The following PKHD1 variants were observed in gnomAD, a reference collection of about 807,000 sequenced individuals.
PKHD1 encodes PKHD1 ciliary IPT domain containing fibrocystin/polyductin.
PKHD1 carries 291 observed loss-of-function variants against 412.0 expected under a neutral mutation model. The ratio of observed to expected loss-of-function variants is 0.71; its 90% CI spans 0.64 to 0.78. The LOEUF (loss-of-function observed/expected upper bound fraction) is 0.78, where lower values mean the gene tolerates loss of function less well. Among genes scored for constraint, PKHD1 ranks in the 30% least tolerant of loss-of-function variants. PKHD1 has a pLI of 0.00. For missense variants in PKHD1, 4,825 were observed against 4,950.7 expected (o/e 0.97, Z 0.76); for synonymous variants, 1,777 against 1,821.5 (o/e 0.98, Z 0.62).
intron 63 of PKHD1, among the ~76,000 whole-genome samples, chr6:51,642,887 G>A (rs1420961926): frequency 6.6e-6 from 1 of 152,056 alleles, no homozygotes; most frequent in African/African-American, 2.4e-5. Flanking sequence ...AGTATAAGTA[G>A]GGTCTTAGGT....
chr6:51,666,817 A>G (rs1377633128), intron 60 of PKHD1, among the ~76,000 whole-genome samples: 1 of 151,556 alleles, frequency 6.6e-6, no homozygotes, highest in Non-Finnish European at 1.5e-5. Context: ...TTCTTGCGAT[A>G]GTTTACTGAG....
intron 49 of PKHD1, among the ~76,000 whole-genome samples, chr6:51,854,739 G>A (rs1012805489): frequency 2.0e-5 from 3 of 152,246 alleles, no homozygotes; most frequent in Non-Finnish European, 4.4e-5. Context: ...ATGTTGGGCT[G>A]TGGGGACAAG....
At chr6:51,620,562 A>G (rs1766477511) in intron 66 of PKHD1, among the ~76,000 whole-genome samples, 1 of 152,020 alleles carries the variant, frequency 6.6e-6, no homozygotes, top group Non-Finnish European at 1.5e-5. Flanking sequence ...ACCACCAAAT[A>G]CATTAACCAC....
At chr6:51,769,325 T>A (rs926250777) in intron 55 of PKHD1, among the ~76,000 whole-genome samples, 2 of 151,512 alleles carry the variant, frequency 1.3e-5, no homozygotes, top group African/African-American at 4.8e-5. Flanking sequence ...TTTATATCTT[T>A]CACTATTCCT....
In PKHD1 at chr6:52,050,298, A is replaced by G. The variant is rs765009465; in HGVS notation, c.2141-3T>C. ...CGTTCCAGAATCAGCTTGAGAAACT[A>G]GAGACCAGTGATCCAATTACTATCA... On this transcript the variant is annotated splice_polypyrimidine_tract_variant and splice_region_variant and intron_variant, in intron 21 of 66. Transcript: ENST00000371117. The G allele has an allele frequency of 2.3e-5, 37 of 1,613,962 alleles. No homozygotes were observed. In the East Asian group the frequency reaches 8.0e-4, roughly 35 times the overall value.
chr6:51,666,873 C>T (rs1267152618), intron 60 of PKHD1, among the ~76,000 whole-genome samples: 3 of 152,224 alleles, frequency 2.0e-5, no homozygotes, highest in Admixed American at 2.0e-4. Context: ...AGGACATGAA[C>T]TCATCACATT....
chr6:52,027,750 T>C (rs1035567070), intron 31 of PKHD1, 79 bp downstream of exon 31: 7 of 1,125,712 alleles, frequency 6.2e-6, no homozygotes, highest in Non-Finnish European at 9.5e-6. Flanking sequence ...CACTGGCAAA[T>C]TAATCCAGAA....
At chr6:52,042,029 A>C (rs1804972041) in intron 27 of PKHD1, among the ~76,000 whole-genome samples, 2 of 152,178 alleles carry the variant, frequency 1.3e-5, no homozygotes, top group South Asian at 4.1e-4. Context: ...TATGCCCTAC[A>C]CTCAAACCAA....
chr6:51,821,349 A>C (rs1338014410), intron 52 of PKHD1, among the ~76,000 whole-genome samples: 1 of 152,200 alleles, frequency 6.6e-6, no homozygotes, highest in Non-Finnish European at 1.5e-5. Flanking sequence ...TTTATCACTG[A>C]AAGTCCTATG....
At chr6:51,853,290 G>A (rs1168126836) in intron 49 of PKHD1, among the ~76,000 whole-genome samples, 2 of 152,174 alleles carry the variant, frequency 1.3e-5, no homozygotes, top group Non-Finnish European at 2.9e-5. Flanking sequence ...TTAGTCTGAT[G>A]GGCTTCCCTT....
chr6:51,904,383 C>G (rs1207150915), intron 41 of PKHD1, among the ~76,000 whole-genome samples: 1 of 152,152 alleles, frequency 6.6e-6, no homozygotes, highest in African/African-American at 2.4e-5. Context: ...CATGCCCTCA[C>G]CTTCCCTTGG....
intron 37 of PKHD1, among the ~76,000 whole-genome samples, chr6:51,927,697 G>C (rs1441814934): frequency 1.3e-5 from 2 of 152,206 alleles, no homozygotes; most frequent in Non-Finnish European, 2.9e-5. Context: ...TATTTGCTCA[G>C]CTGCTCATGC....
intron 36 of PKHD1, among the ~76,000 whole-genome samples, chr6:51,953,015 A>G (rs1030069696): frequency 1.3e-5 from 2 of 152,126 alleles, no homozygotes; most frequent in African/African-American, 4.8e-5. Flanking sequence ...CCAGAGCCTT[A>G]CCCAAAACCA....
intron 58 of PKHD1, 107 bp downstream of exon 58, chr6:51,747,680 A>C: frequency 1.0e-6 from 1 of 954,254 alleles, no homozygotes; most frequent in Non-Finnish European, 1.7e-6. Context: ...GACAGCAAGC[A>C]CTAGACCACA....
chr6:52,059,094 T>C (rs1180042263), intron 15 of PKHD1, among the ~76,000 whole-genome samples: 2 of 152,106 alleles, frequency 1.3e-5, no homozygotes, highest in African/African-American at 4.8e-5. Flanking sequence ...TATCCTTCAA[T>C]GTTGTTGAGG....
At chr6:51,971,708 TTTTTGTTTTG>T (rs141477157) in intron 35 of PKHD1, among the ~76,000 whole-genome samples, 95,242 of 149,450 alleles carry the variant, frequency 0.64, 31,189 homozygotes, top group Non-Finnish European at 0.72. Context: ...TTTTTTTTGC[TTTTTGTTTTG>T]TTTTGTTTTG....
chr6:51,780,815 G>A (rs1791867998), intron 53 of PKHD1, among the ~76,000 whole-genome samples: 1 of 151,994 alleles, frequency 6.6e-6, no homozygotes, highest in Admixed American at 6.6e-5. Context: ...TCAAAAGAGG[G>A]GAAACTGGCC....
chr6:51,993,942 C>T (rs1037290872), intron 35 of PKHD1, among the ~76,000 whole-genome samples: 11 of 151,716 alleles, frequency 7.3e-5, no homozygotes, highest in African/African-American at 2.2e-4. Flanking sequence ...CACAGAGAGC[C>T]AATAGGTGTT....
chr6:51,939,308 T>C (rs1182695994), intron 36 of PKHD1, among the ~76,000 whole-genome samples: 1 of 151,062 alleles, frequency 6.6e-6, no homozygotes, highest in African/African-American at 2.4e-5. Flanking sequence ...TCCGTGTCTC[T>C]ACCCCTTCTC....
Sources: gnomAD v4.1 joint callset for allele counts (sites outside exome capture counted in the v4.1 genomes callset) on GRCh38, gnomAD v4.1.1 for gene constraint, MANE v1.5 for transcripts, NCBI Gene and HGNC (gene_info 2026-07-23, HGNC 2026-07-21) for gene names.